CHRM2: variants seen among roughly 807,000 people sequenced by gnomAD.
The protein encoded by CHRM2 is cholinergic receptor muscarinic 2.
In CHRM2, 8 loss-of-function variants were observed where a neutral mutation model predicts 25.0. That is an observed-to-expected ratio of 0.32 (90% CI 0.19 to 0.58). The LOEUF (loss-of-function observed/expected upper bound fraction) is 0.58. Ranked by LOEUF, CHRM2 falls within the 20% of genes least tolerant of loss-of-function variation. The pLI is 0.88. For synonymous variants in CHRM2, 202 were observed against 205.7 expected (o/e 0.98, Z 0.15); for missense variants, 440 against 567.1 (o/e 0.78, Z 2.28).
chr7:136,954,279 G>T (rs1430310406), intron 2 of CHRM2, among the ~76,000 whole-genome samples: 1 of 152,090 alleles, frequency 6.6e-6, no homozygotes, highest in Non-Finnish European at 1.5e-5. Flanking sequence ...TTAAAAAGTT[G>T]GTGGTCTGTT....
In CHRM2 at chr7:137,014,941, A is replaced by C. The variant is rs1215768506; in HGVS notation, c.76A>C (p.Ile26Leu). The change falls in exon 4 of 4, where the codon ATT becomes CTT. Residue 26 changes from isoleucine to leucine, a missense_variant. Physicochemically the swap from Ile to Leu is conservative, Grantham distance 5. Coordinates refer to ENST00000680005, the MANE Select transcript of CHRM2 (RefSeq NM_001006630.2). ...SPYKTFEVVF[I>L]VLVAGSLSLV... ...TTATAAGACATTTGAAGTGGTGTTT[A>C]TTGTCCTGGTGGCTGGATCCCTCAG... is the stretch of plus-strand genomic sequence containing the variant. The C allele has an allele frequency of 6.2e-7, 1 of 1,613,256 alleles. No homozygotes were observed. The highest frequency in any genetic ancestry group is 2.2e-5 in the East Asian group (1 of 44,762).
chr7:136,963,205 A>G (rs1026373862), intron 2 of CHRM2, among the ~76,000 whole-genome samples: 1 of 152,236 alleles, frequency 6.6e-6, no homozygotes, highest in Non-Finnish European at 1.5e-5. Flanking sequence ...GGAAGCAGAC[A>G]CTAGAAAAGA....
At chr7:137,014,442 C>T (rs1805035113) in intron 3 of CHRM2, among the ~76,000 whole-genome samples, 1 of 151,908 alleles carries the variant, frequency 6.6e-6, no homozygotes, top group African/African-American at 2.4e-5. Flanking sequence ...ATGTCTATTC[C>T]AGGAATCCCT....
At chr7:136,878,042 A>T (rs949894944) in intron 2 of CHRM2, among the ~76,000 whole-genome samples, 1 of 152,030 alleles carries the variant, frequency 6.6e-6, no homozygotes, top group East Asian at 1.9e-4. Context: ...CCTGTTTTAC[A>T]TTGTTGAACA....
chr7:137,005,070 T>TA (rs757263436), intron 3 of CHRM2, among the ~76,000 whole-genome samples: 6 of 152,114 alleles, frequency 3.9e-5, no homozygotes, highest in Non-Finnish European at 7.4e-5. Context: ...ATTGAAAAGC[T>TA]AGAAGAACCA....
intron 2 of CHRM2, among the ~76,000 whole-genome samples, chr7:136,918,163 G>C (rs1215624391): frequency 1.3e-5 from 2 of 151,956 alleles, no homozygotes; most frequent in African/African-American, 4.8e-5. Context: ...ACTGAAACTC[G>C]GTGCTGTTCA....
intron 2 of CHRM2, among the ~76,000 whole-genome samples, chr7:136,890,990 A>T (rs576230583): frequency 2.9e-4 from 44 of 152,284 alleles, no homozygotes; most frequent in African/African-American, 1.1e-3. Flanking sequence ...TAAACGATCC[A>T]CTAATTGCTA....
intron 2 of CHRM2, among the ~76,000 whole-genome samples, chr7:136,947,082 A>G (rs530084491): frequency 2.6e-5 from 4 of 152,328 alleles, no homozygotes; most frequent in Admixed American, 1.3e-4. Flanking sequence ...TTCACTTCTC[A>G]TCTTCAGTGA....
In CHRM2 at chr7:136,892,209, G is replaced by A. The variant is rs114200272; in HGVS notation, c.-125+22791G>A. On this transcript the variant is annotated intron_variant, in intron 2 of 3. Transcript: ENST00000680005. ...TTTTTGCCAAAATTCTTGACAGTTG[G>A]TGAATTGTGCTTCCTTTAATTTATT... is the stretch of plus-strand genomic sequence containing the variant. 8.2e-3 allele frequency among the ~76,000 whole-genome samples: 1,243 copies of A among 152,272 alleles called. 16 individuals carry two copies. The highest frequency in any genetic ancestry group is 0.028 in the African/African-American group (1,173 of 41,552).
rs570999727 is a variant in CHRM2, at chr7:136,888,986, T to C, written c.-125+19568T>C. On this transcript the variant is annotated intron_variant, in intron 2 of 3. Transcript: ENST00000680005. ...TGGCATGAACCCGGGAGGCGGAGCT[T>C]GCAGTGAGCCGAGATCGCGCCACTG... 1.0e-4 allele frequency among the ~76,000 whole-genome samples: 14 copies of C among 133,912 alleles called. No individual in the cohort carries two copies. In the East Asian group the frequency reaches 2.3e-3, roughly 22 times the overall value. 87.9% of individuals were successfully genotyped at this position (133,912 alleles called of 152,430 possible).
rs574957663 is a variant in CHRM2, at chr7:136,927,735, T to A, written c.-125+58317T>A. 5.3e-5 allele frequency among the ~76,000 whole-genome samples: 8 copies of A among 152,306 alleles called. No individual in the cohort carries two copies. In the East Asian group the frequency reaches 1.5e-3, roughly 29 times the overall value. On this transcript the variant is annotated intron_variant, in intron 2 of 3. Transcript: ENST00000680005. ...GGTGTGGAAATGGAATCAATAGAATTCTATTTATTAGAAAAATCAGGTATA... is the reference window on the plus strand; with the variant it reads ...GGTGTGGAAATGGAATCAATAGAATACTATTTATTAGAAAAATCAGGTATA...
intron 3 of CHRM2, among the ~76,000 whole-genome samples, chr7:137,013,393 T>C (rs7801830): frequency 0.027 from 4,043 of 152,056 alleles, 206 homozygotes; most frequent in African/African-American, 0.092. Context: ...ACCAAATTAT[T>C]TTCTACATGG....
chr7:136,921,827 C>T (rs539660068), intron 2 of CHRM2, among the ~76,000 whole-genome samples: 3 of 112,842 alleles, frequency 2.7e-5, no homozygotes, highest in Admixed American at 9.2e-5. Flanking sequence ...CTCTCACACC[C>T]GGGCTGAAGT....
chr7:136,959,161 T>C (rs978557718), intron 2 of CHRM2, among the ~76,000 whole-genome samples: 1 of 152,236 alleles, frequency 6.6e-6, no homozygotes, highest in Non-Finnish European at 1.5e-5. Context: ...TATCCTCTAA[T>C]AGTGCTCTCT....
At chr7:136,966,679 C>G (rs324586) in intron 2 of CHRM2, among the ~76,000 whole-genome samples, 128,963 of 151,580 alleles carry the variant, frequency 0.85, 55,757 homozygotes, top group Middle Eastern at 0.97. Flanking sequence ...TAATACAAAC[C>G]GTAATACACA....
At chr7:136,912,021 T>C (rs767554962) in intron 2 of CHRM2, among the ~76,000 whole-genome samples, 2 of 152,002 alleles carry the variant, frequency 1.3e-5, no homozygotes, top group Non-Finnish European at 1.5e-5. Context: ...TTTCTCATTT[T>C]CTTTATAACA....
chr7:136,994,372 T>C (rs1803432414), intron 3 of CHRM2, among the ~76,000 whole-genome samples: 1 of 152,144 alleles, frequency 6.6e-6, no homozygotes, highest in Admixed American at 6.6e-5. Flanking sequence ...TAATCATTAA[T>C]ATTATGACTT....
intron 2 of CHRM2, among the ~76,000 whole-genome samples, chr7:136,947,109 T>G (rs1326833096): frequency 6.6e-6 from 1 of 152,192 alleles, no homozygotes; most frequent in Admixed American, 6.5e-5. Flanking sequence ...CAACCAAAGC[T>G]TCACCATCTC....
At chr7:136,987,368 T>G (rs1802928431) in intron 2 of CHRM2, among the ~76,000 whole-genome samples, 1 of 152,184 alleles carries the variant, frequency 6.6e-6, no homozygotes, top group Non-Finnish European at 1.5e-5. Context: ...GGACTGCCCT[T>G]GGGGCTTATC....
Sources: allele counts gnomAD v4.1 joint callset (sites outside exome capture counted in the v4.1 genomes callset), GRCh38; gene constraint gnomAD v4.1.1; transcripts MANE v1.5; gene names NCBI Gene and HGNC (gene_info 2026-07-23, HGNC 2026-07-21).